Variants in TNS3 observed in about 807,000 individuals in gnomAD.
TNS3 encodes the protein tensin 3.
Under a neutral mutation model 140.9 loss-of-function variants are expected in TNS3, and 45 were observed. The observed-to-expected ratio is 0.32, with a 90% CI of 0.25 to 0.41. TNS3 has a LOEUF of 0.41. TNS3 is among the 10% of genes least tolerant of loss of function. TNS3 has a pLI of 1.00. For synonymous variants in TNS3, 815 were observed against 788.4 expected, an observed-to-expected ratio of 1.03 and a Z score of -0.56; for missense variants, 1,716 against 1,906.7, an observed-to-expected ratio of 0.90 and a Z score of 1.86.
chr7:47,552,820 G>A (rs1038414545), intron 1 of TNS3, among the ~76,000 whole-genome samples: 1 of 152,186 alleles, frequency 6.6e-6, no homozygotes, highest in African/African-American at 2.4e-5. Context: ...CAGCTTAGTG[G>A]GGAAGGCATG....
intron 1 of TNS3, among the ~76,000 whole-genome samples, chr7:47,555,401 CAA>C (rs59842217): frequency 0.045 from 5,311 of 117,750 alleles, 289 homozygotes; most frequent in African/African-American, 0.15. Context: ...GACTTTGTCT[CAA>C]AAAAAAAAAA....
chr7:47,393,664 C>T (rs1213943613), intron 16 of TNS3, among the ~76,000 whole-genome samples: 1 of 152,102 alleles, frequency 6.6e-6, no homozygotes, highest in East Asian at 1.9e-4. Flanking sequence ...CCACTATATC[C>T]CTGAGGAGTC....
chr7:47,575,323 A>G (rs73099538), intron 1 of TNS3, among the ~76,000 whole-genome samples: 3,628 of 152,330 alleles, frequency 0.024, 59 homozygotes, highest in Non-Finnish European at 0.038. Context: ...TACATATGGT[A>G]TGATCTCAGC....
At chr7:47,328,331 G>A (rs1364614951) in intron 20 of TNS3, among the ~76,000 whole-genome samples, 1 of 152,196 alleles carries the variant, frequency 6.6e-6, no homozygotes, top group African/African-American at 2.4e-5. Flanking sequence ...CTTGCTCACT[G>A]CTGCGGTTTG....
chr7:47,490,721 G>A lies in TNS3; in HGVS notation c.-114-9580C>T, dbSNP rs763768547. 1.4e-3 allele frequency among the ~76,000 whole-genome samples: 220 copies of A among 152,348 alleles called. 2 individuals carry two copies. Among genetic ancestry groups the A allele is most frequent in the Middle Eastern group, 3.4e-3 (1 of 294 alleles). ...AATCGTTGGAAATGGGCATGAGGGC[G>A]TTTGTGACCTTCTGGCCACCCAGTC... is the stretch of plus-strand genomic sequence containing the variant. On this transcript the variant is annotated intron_variant, in intron 3 of 30. Transcript: ENST00000311160.
chr7:47,485,737 CCTAAT>C, intron 3 of TNS3, among the ~76,000 whole-genome samples: 1 of 152,352 alleles, frequency 6.6e-6, no homozygotes, highest in South Asian at 2.1e-4. Context: ...ATCCTGGGAT[CCTAAT>C]CTACTGTTCC....
chr7:47,424,067 C>T lies in TNS3; in HGVS notation c.473+34G>A, dbSNP rs138076270. ...ATTTTTATATGTAAAATTTCATTCA[C>T]CTCTTCACTCTGGCTTTGGGGATCT... On this transcript the variant is annotated intron_variant, in intron 10 of 30. Coordinates refer to ENST00000311160, the MANE Select transcript of TNS3 (RefSeq NM_022748.12). 1,093 of 1,602,902 alleles carry T rather than the reference C, an allele frequency of 6.8e-4. 8 individuals carry two copies. In the African/African-American group the frequency reaches 0.013, roughly 19 times the overall value.
At chr7:47,318,948 G>A (rs1216019663) in intron 20 of TNS3, among the ~76,000 whole-genome samples, 23 of 152,198 alleles carry the variant, frequency 1.5e-4, no homozygotes, top group Admixed American at 1.4e-3. Context: ...CTGTTTTCAG[G>A]CAGAATTCCC....
At chr7:47,536,770 C>G (rs1312748819) in intron 1 of TNS3, among the ~76,000 whole-genome samples, 1 of 152,236 alleles carries the variant, frequency 6.6e-6, no homozygotes, top group Non-Finnish European at 1.5e-5. Context: ...AGGACTCAGG[C>G]ACGGACCAGC....
intron 4 of TNS3, among the ~76,000 whole-genome samples, chr7:47,472,738 A>G (rs4320461): frequency 0.013 from 1,962 of 152,300 alleles, 18 homozygotes; most frequent in Non-Finnish European, 0.017. Flanking sequence ...CCCACAGAGT[A>G]AATCCCGGAC....
chr7:47,387,827 G>C (rs1792160815), intron 16 of TNS3, among the ~76,000 whole-genome samples: 4 of 152,214 alleles, frequency 2.6e-5, no homozygotes, highest in Admixed American at 6.5e-5. Flanking sequence ...GACCCTGTGG[G>C]CCGGGCACAC....
intron 13 of TNS3, among the ~76,000 whole-genome samples, chr7:47,405,874 A>T (rs973710651): frequency 6.6e-6 from 1 of 152,104 alleles, no homozygotes; most frequent in African/African-American, 2.4e-5. Context: ...GGGTCACTGG[A>T]GCGAGGTTCT....
intron 1 of TNS3, among the ~76,000 whole-genome samples, chr7:47,573,266 C>T (rs1191383305): frequency 6.6e-6 from 1 of 152,212 alleles, no homozygotes; most frequent in Non-Finnish European, 1.5e-5. Flanking sequence ...CTTCACCCAC[C>T]TCACGAGCAA....
At chr7:47,435,425 T>A in intron 7 of TNS3, 21 bp from the exon 8 acceptor site, 1 of 1,611,332 alleles carries the variant, frequency 6.2e-7, no homozygotes, top group Non-Finnish European at 8.5e-7. Context: ...AAAGGGGAGC[T>A]TCCTCGGTTT....
At chr7:47,509,905 G>A (rs1295621917) in intron 2 of TNS3, among the ~76,000 whole-genome samples, 1 of 152,186 alleles carries the variant, frequency 6.6e-6, no homozygotes, top group African/African-American at 2.4e-5. Context: ...CCGATGGGCT[G>A]CAAGCTCCTC....
intron 2 of TNS3, among the ~76,000 whole-genome samples, chr7:47,523,293 C>T (rs1022327880): frequency 2.6e-5 from 4 of 152,172 alleles, no homozygotes; most frequent in African/African-American, 9.7e-5. Context: ...TGCCACCATC[C>T]CATGGAGGGT....
At chr7:47,395,500 T>C (rs534295835) in intron 16 of TNS3, among the ~76,000 whole-genome samples, 1 of 152,378 alleles carries the variant, frequency 6.6e-6, no homozygotes, top group South Asian at 2.1e-4. Context: ...GATCAAAAAG[T>C]TTGATAACTG....
chr7:47,438,867 G>A (rs1795321133), intron 6 of TNS3, among the ~76,000 whole-genome samples: 2 of 152,184 alleles, frequency 1.3e-5, no homozygotes, highest in African/African-American at 4.8e-5. Context: ...CCAGGGAGCT[G>A]TCATTCAATC....
chr7:47,322,829 C>T (rs892928024), intron 20 of TNS3, among the ~76,000 whole-genome samples: 6 of 152,120 alleles, frequency 3.9e-5, no homozygotes, highest in South Asian at 2.1e-4. Flanking sequence ...AGCCTGCCTC[C>T]GCTCCCTGAT....
Sources: allele counts gnomAD v4.1 joint callset (sites outside exome capture counted in the v4.1 genomes callset), GRCh38; gene constraint gnomAD v4.1.1; transcripts MANE v1.5; gene names NCBI Gene and HGNC (gene_info 2026-07-23, HGNC 2026-07-21).